DCC: variants seen among roughly 807,000 people sequenced by gnomAD.
DCC encodes DCC netrin 1 receptor, also known as netrin receptor DCC.
A neutral mutation model predicts 172.5 loss-of-function variants in DCC; 58 were observed. That is an observed-to-expected ratio of 0.34 (90% CI 0.27 to 0.42). The LOEUF (loss-of-function observed/expected upper bound fraction) is 0.42. Ranked by LOEUF, DCC falls within the 10% of genes least tolerant of loss-of-function variation. The pLI is 1.00. For synonymous variants in DCC, 709 were observed against 644.5 expected (o/e 1.10, Z -1.52); for missense variants, 1,740 against 1,791.0 (o/e 0.97, Z 0.51).
intron 5 of DCC, among the ~76,000 whole-genome samples, chr18:52,933,609 T>C (rs1292430519): frequency 2.0e-5 from 3 of 152,050 alleles, no homozygotes; most frequent in Non-Finnish European, 4.4e-5. Flanking sequence ...ATTTTGCTCA[T>C]GTGGTTAGAT....
At chr18:53,035,568 TTAA>T (rs1375501539) in intron 5 of DCC, among the ~76,000 whole-genome samples, 12 of 152,098 alleles carry the variant, frequency 7.9e-5, no homozygotes, top group African/African-American at 2.9e-4. Flanking sequence ...ATGTGAAAAC[TTAA>T]TAATATTTGT....
intron 1 of DCC, among the ~76,000 whole-genome samples, chr18:52,404,645 T>C (rs1047670143): frequency 7.0e-6 from 1 of 143,564 alleles, no homozygotes; most frequent in Non-Finnish European, 1.5e-5. Context: ...AGAATGGAGT[T>C]TTCTTTTTTG....
intron 2 of DCC, among the ~76,000 whole-genome samples, chr18:52,889,966 G>A (rs534388535): frequency 7.2e-4 from 110 of 152,226 alleles, no homozygotes; most frequent in African/African-American, 2.6e-3. Context: ...GCAAGACAGT[G>A]TGAATATCCA....
intron 7 of DCC, among the ~76,000 whole-genome samples, chr18:53,146,953 G>T (rs2043924617): frequency 6.6e-6 from 1 of 152,080 alleles, no homozygotes; most frequent in Non-Finnish European, 1.5e-5. Context: ...AATTAAAAAA[G>T]ACTTTTAAAA....
intron 1 of DCC, among the ~76,000 whole-genome samples, chr18:52,675,275 G>A (rs762774595): frequency 5.3e-5 from 8 of 152,088 alleles, no homozygotes; most frequent in Non-Finnish European, 8.8e-5. Context: ...GGCCAGGCTT[G>A]AACTCCTGAC....
intron 1 of DCC, among the ~76,000 whole-genome samples, chr18:52,385,503 C>T (rs1985761398): frequency 1.3e-5 from 2 of 151,998 alleles, no homozygotes; most frequent in African/African-American, 4.8e-5. Context: ...CTGTGCCTGG[C>T]CTGAAATTAC....
intron 1 of DCC, among the ~76,000 whole-genome samples, chr18:52,521,293 G>T (rs2031806005): frequency 6.6e-6 from 1 of 152,116 alleles, no homozygotes; most frequent in Non-Finnish European, 1.5e-5. Flanking sequence ...TTCATTTGAG[G>T]TTCACATTTA....
At chr18:53,300,307 G>A (rs368999662) in intron 12 of DCC, among the ~76,000 whole-genome samples, 1 of 152,076 alleles carries the variant, frequency 6.6e-6, no homozygotes, top group Admixed American at 6.5e-5. Flanking sequence ...AAATGTCCAC[G>A]TTCCCAGCTG....
At chr18:52,814,690 C>T (rs1048862778) in intron 2 of DCC, among the ~76,000 whole-genome samples, 3 of 152,120 alleles carry the variant, frequency 2.0e-5, no homozygotes, top group Non-Finnish European at 4.4e-5. Flanking sequence ...GAAATATAAA[C>T]TATTTAATTA....
intron 12 of DCC, among the ~76,000 whole-genome samples, chr18:53,256,560 C>A (rs1462530569): frequency 6.6e-6 from 1 of 151,928 alleles, no homozygotes; most frequent in Non-Finnish European, 1.5e-5. Flanking sequence ...TGTTCTGTTC[C>A]ATTGGTCTAT....
chr18:52,748,279 C>T (rs1183339147), intron 1 of DCC, among the ~76,000 whole-genome samples: 1 of 152,182 alleles, frequency 6.6e-6, no homozygotes, highest in Non-Finnish European at 1.5e-5. Context: ...TGGGGGAACA[C>T]GGTGACACCC....
chr18:53,361,870 A>G (rs1271027905), intron 15 of DCC, among the ~76,000 whole-genome samples: 2 of 152,188 alleles, frequency 1.3e-5, no homozygotes, highest in Admixed American at 6.6e-5. Context: ...ACACAAGAGT[A>G]AAAGTAGATG....
intron 15 of DCC, among the ~76,000 whole-genome samples, chr18:53,353,280 A>G (rs989424247): frequency 3.3e-5 from 2 of 61,386 alleles, no homozygotes; most frequent in Non-Finnish European, 6.3e-5. Flanking sequence ...ACTTGAGAGG[A>G]AAAAAAAAAA....
At chr18:53,008,232 C>A (rs2041674456) in intron 5 of DCC, among the ~76,000 whole-genome samples, 1 of 152,068 alleles carries the variant, frequency 6.6e-6, no homozygotes, top group African/African-American at 2.4e-5. Context: ...ATCACACTTT[C>A]ATGTTTATTG....
chr18:52,929,338 C>T (rs570281280), intron 5 of DCC, among the ~76,000 whole-genome samples: 3 of 150,558 alleles, frequency 2.0e-5, no homozygotes, highest in African/African-American at 7.2e-5. Flanking sequence ...TCCTATTCAT[C>T]GTTTTTTATT....
intron 23 of DCC, 98 bp from the exon 24 acceptor site, chr18:53,459,134 T>C: frequency 2.0e-6 from 2 of 1,022,144 alleles, no homozygotes; most frequent in Non-Finnish European, 3.0e-6. Flanking sequence ...CGAGTCCTTT[T>C]GTTTCCTTTC....
intron 11 of DCC, among the ~76,000 whole-genome samples, chr18:53,212,367 A>G (rs895686134): frequency 3.3e-5 from 5 of 152,346 alleles, no homozygotes; most frequent in African/African-American, 1.2e-4. Flanking sequence ...AGACAAATAT[A>G]GAAAAGAACA....
chr18:52,546,069 C>T (rs941588413), intron 1 of DCC, among the ~76,000 whole-genome samples: 4 of 152,066 alleles, frequency 2.6e-5, no homozygotes, highest in African/African-American at 7.2e-5. Flanking sequence ...TCTAACAAAC[C>T]AAAACAAAAT....
chr18:52,819,120 C>T (rs16955569), intron 2 of DCC, among the ~76,000 whole-genome samples: 3,934 of 152,004 alleles, frequency 0.026, 73 homozygotes, highest in Middle Eastern at 0.095. Flanking sequence ...TGTAGGTAAC[C>T]CCTGATTAAC....
Sources: gnomAD v4.1 joint callset for allele counts (sites outside exome capture counted in the v4.1 genomes callset) on GRCh38, gnomAD v4.1.1 for gene constraint, MANE v1.5 for transcripts, NCBI Gene and HGNC (gene_info 2026-07-23, HGNC 2026-07-21) for gene names.